The following WIPF1 variants were observed in gnomAD, a reference collection of about 807,000 sequenced individuals.
WIPF1 encodes the protein WAS/WASL interacting protein family member 1, also known as WAS/WASL-interacting protein family member 1.
Under a neutral mutation model 35.4 loss-of-function variants are expected in WIPF1, and 13 were observed. The observed-to-expected ratio is 0.37, with a 90% CI of 0.24 to 0.58. WIPF1 has a LOEUF of 0.58. Ranked by LOEUF, WIPF1 falls within the 20% of genes least tolerant of loss-of-function variation. The pLI, the probability that WIPF1 is intolerant of heterozygous loss-of-function variation, is 0.74. For synonymous variants in WIPF1, 267 were observed against 266.3 expected, an observed-to-expected ratio of 1.00 and a Z score of -0.02; for missense variants, 591 against 667.0, an observed-to-expected ratio of 0.89 and a Z score of 1.25.
intron 1 of WIPF1, among the ~76,000 whole-genome samples, chr2:174,668,069 A>C (rs1559177402): frequency 6.6e-6 from 1 of 152,186 alleles, no homozygotes; most frequent in East Asian, 1.9e-4. Context: ...TTTGTACCTG[A>C]AGGAGGTTTC....
intron 1 of WIPF1, among the ~76,000 whole-genome samples, chr2:174,647,271 G>C (rs1687430381): frequency 6.6e-6 from 1 of 151,474 alleles, no homozygotes; most frequent in Non-Finnish European, 1.5e-5. Context: ...CTAGCTATCT[G>C]GCAGGCTGAG....
chr2:174,569,701 A>C (rs925630043), intron 5 of WIPF1, among the ~76,000 whole-genome samples: 6 of 152,210 alleles, frequency 3.9e-5, no homozygotes, highest in Admixed American at 6.5e-5. Flanking sequence ...ACCACTATAC[A>C]TGCTTGTCTC....
chr2:174,600,928 T>C (rs2105880967), upstream of WIPF1, among the ~76,000 whole-genome samples: 1 of 137,616 alleles, frequency 7.3e-6, no homozygotes, highest in East Asian at 2.0e-4. Flanking sequence ...TTTTTTTTTT[T>C]TTTTTTTTTT....
chr2:174,599,837 C>G (rs1446944140), upstream of WIPF1, among the ~76,000 whole-genome samples: 1 of 152,094 alleles, frequency 6.6e-6, no homozygotes, highest in Non-Finnish European at 1.5e-5. Flanking sequence ...CTCTCTCTCT[C>G]TCTCAGTACA....
chr2:174,582,259 C>T (rs181007345), intron 2 of WIPF1, among the ~76,000 whole-genome samples: 1 of 152,316 alleles, frequency 6.6e-6, no homozygotes, highest in African/African-American at 2.4e-5. Context: ...TAGGAAAGAT[C>T]CCTACCTACT....
chr2:174,677,675 G>A (rs1258605914), intron 1 of WIPF1, among the ~76,000 whole-genome samples: 5 of 152,154 alleles, frequency 3.3e-5, no homozygotes, highest in Non-Finnish European at 7.3e-5. Flanking sequence ...TTCTTTTACT[G>A]AGTATCAGCA....
chr2:174,639,916 T>G (rs1687261468), intron 1 of WIPF1, among the ~76,000 whole-genome samples: 1 of 152,224 alleles, frequency 6.6e-6, no homozygotes, highest in Non-Finnish European at 1.5e-5. Context: ...AGTTTCATTC[T>G]TCTGCATGTC....
At chr2:174,635,414 C>T (rs1687155212) in intron 1 of WIPF1, among the ~76,000 whole-genome samples, 1 of 152,084 alleles carries the variant, frequency 6.6e-6, no homozygotes, top group African/African-American at 2.4e-5. Context: ...CGGCTGTGAC[C>T]CTCTCTGCCC....
rs1404205692 is a variant in WIPF1, at chr2:174,560,075, T to C, written c.*2472A>G. The C allele has an allele frequency of 6.6e-6, 1 of 152,658 alleles. No homozygotes were observed. The highest frequency in any genetic ancestry group is 1.5e-5 in the Non-Finnish European group (1 of 68,026). The allele number at this position is 152,658 out of a possible 1,614,324, so 9.5% of individuals were successfully genotyped here. A position where few individuals can be genotyped will look rare whatever the true frequency, so the allele number is the denominator to read the frequency against. On this transcript the variant is annotated 3_prime_UTR_variant, in exon 8 of 8. Transcript: ENST00000679041. ...TTAAAATACTGTATTACATGTTGAA[T>C]ACATTTATCTGAAAATGTTATAAAA... is the stretch of plus-strand genomic sequence containing the variant.
chr2:174,654,867 T>A (rs1687609696), intron 1 of WIPF1, among the ~76,000 whole-genome samples: 1 of 152,144 alleles, frequency 6.6e-6, no homozygotes, highest in Non-Finnish European at 1.5e-5. Flanking sequence ...TACTCTTCTC[T>A]ACCAGAGGAC....
intron 6 of WIPF1, 110 bp downstream of exon 6, chr2:174,567,751 G>T: frequency 8.2e-7 from 1 of 1,222,628 alleles, no homozygotes; most frequent in Non-Finnish European, 1.1e-6. Context: ...GCAATGGAGT[G>T]TGATAATGAT....
chr2:174,656,847 T>C (rs1004285175), intron 1 of WIPF1, among the ~76,000 whole-genome samples: 1 of 152,162 alleles, frequency 6.6e-6, no homozygotes, highest in Non-Finnish European at 1.5e-5. Context: ...AAAAATACCA[T>C]CCAAAGATCA....
chr2:174,607,112 G>A (rs1215253313), intron 1 of WIPF1, among the ~76,000 whole-genome samples: 3 of 152,106 alleles, frequency 2.0e-5, no homozygotes, highest in Non-Finnish European at 4.4e-5. Flanking sequence ...CATTTATAAG[G>A]GCAGAGCACT....
At chr2:174,654,622 T>C (rs528540681) in intron 1 of WIPF1, among the ~76,000 whole-genome samples, 32 of 152,190 alleles carry the variant, frequency 2.1e-4, no homozygotes, top group Non-Finnish European at 2.6e-4. Context: ...TTTTTTTTTT[T>C]CCTCCTCAGA....
At chr2:174,580,411 G>T (rs1230230518) in intron 3 of WIPF1, among the ~76,000 whole-genome samples, 1 of 152,108 alleles carries the variant, frequency 6.6e-6, no homozygotes, top group Non-Finnish European at 1.5e-5. Context: ...TACTCATTAG[G>T]TATTTCTCCC....
chr2:174,569,164 T>C (rs796552957), intron 5 of WIPF1, among the ~76,000 whole-genome samples: 12 of 152,306 alleles, frequency 7.9e-5, no homozygotes, highest in African/African-American at 1.9e-4. Context: ...TATAAATAAA[T>C]ATCTTATTAG....
At chr2:174,627,394 T>C in intron 1 of WIPF1, among the ~76,000 whole-genome samples, 1 of 151,954 alleles carries the variant, frequency 6.6e-6, no homozygotes, top group African/African-American at 2.4e-5. Context: ...GGTCTTATGA[T>C]TTTCTTTTCT....
intron 1 of WIPF1, among the ~76,000 whole-genome samples, chr2:174,591,055 G>A (rs973006725): frequency 6.6e-6 from 1 of 152,174 alleles, no homozygotes; most frequent in Non-Finnish European, 1.5e-5. Context: ...AGGCCATTGG[G>A]TGAGATCTTA....
intron 1 of WIPF1, among the ~76,000 whole-genome samples, chr2:174,644,880 A>C (rs1687371814): frequency 6.6e-6 from 1 of 152,218 alleles, no homozygotes; most frequent in African/African-American, 2.4e-5. Flanking sequence ...AAAATGAAGT[A>C]CTTTTCAATT....
Sources: allele counts gnomAD v4.1 joint callset (sites outside exome capture counted in the v4.1 genomes callset), GRCh38; gene constraint gnomAD v4.1.1; transcripts MANE v1.5; gene names NCBI Gene and HGNC (gene_info 2026-07-23, HGNC 2026-07-21).